FUCA1: variants seen among roughly 807,000 people sequenced by gnomAD.
The protein encoded by FUCA1 is tissue alpha-L-fucosidase.
FUCA1 carries 52 observed loss-of-function variants against 56.8 expected under a neutral mutation model. The observed-to-expected ratio is 0.92, with a 90% CI of 0.73 to 1.15. FUCA1 has a LOEUF of 1.15. FUCA1 is among the 50% of genes most tolerant of loss of function. The probability of loss-of-function intolerance (pLI) is 0.00; values close to 1 mark genes in which losing one functional copy is unlikely to be tolerated. For missense variants in FUCA1, 568 were observed against 592.6 expected (o/e 0.96, Z 0.43); for synonymous variants, 230 against 226.6 (o/e 1.02, Z -0.14).
At chr1:23,852,051 A>T (rs1639270392) in intron 5 of FUCA1, among the ~76,000 whole-genome samples, 1 of 142,958 alleles carries the variant, frequency 7.0e-6, no homozygotes, top group South Asian at 2.3e-4. Context: ...AAAAATAATT[A>T]AAATCAATCA....
chr1:23,858,277 C>T (rs1639435786), intron 4 of FUCA1, among the ~76,000 whole-genome samples: 1 of 151,960 alleles, frequency 6.6e-6, no homozygotes, highest in African/African-American at 2.4e-5. Flanking sequence ...CTGTGTTAGC[C>T]AGGATGGTCT....
At chr1:23,846,713 C>A (rs1639151417) in intron 6 of FUCA1, among the ~76,000 whole-genome samples, 1 of 152,056 alleles carries the variant, frequency 6.6e-6, no homozygotes, top group African/African-American at 2.4e-5. Context: ...TCCTGAGTAA[C>A]TGGGATTACA....
chr1:23,846,294 C>G, intron 6 of FUCA1, 121 bp from the exon 7 acceptor site: 1 of 698,676 alleles, frequency 1.4e-6, no homozygotes, highest in South Asian at 1.8e-5. Flanking sequence ...TTTTTTGAGA[C>G]AGAGTCTCCC....
chr1:23,865,293 C>CAGTT (rs1192389981), intron 2 of FUCA1, among the ~76,000 whole-genome samples, 198 bp downstream of exon 2: 1 of 152,198 alleles, frequency 6.6e-6, no homozygotes, highest in Non-Finnish European at 1.5e-5. Flanking sequence ...GCATCAAACA[C>CAGTT]TGCCAATTCA....
intron 3 of FUCA1, among the ~76,000 whole-genome samples, chr1:23,862,411 C>T (rs1375017534): frequency 6.6e-6 from 1 of 152,184 alleles, no homozygotes; most frequent in African/African-American, 2.4e-5. Context: ...AAGTGATCTG[C>T]CTGCCTCGGC....
At position 23,868,172 on chromosome 1, in the gene FUCA1, G is replaced by T. The variant is rs901607680; in HGVS notation, c.115C>A (p.Pro39Thr). ...CGAGAATCCAGGCTCGGCCAGTCTG[G>T]GGTGTAGCGGCGCGGAGGCTGGGCC... The part of the protein sequence containing the change: ...RRAQPPRRYT[P>T]DWPSLDSRPL... Residue 39 changes from proline (P) to threonine (T), a missense_variant, in exon 1 of 8, where the codon CCA (proline) becomes ACA (threonine). Physicochemically the swap from Pro to Thr is conservative, Grantham distance 38. Transcript: ENST00000374479. 1.9e-6 allele frequency: 3 copies of T among 1,607,236 alleles called. No individual in the cohort carries two copies. Among genetic ancestry groups the T allele is most frequent in the East Asian group, 2.2e-5 (1 of 44,670 alleles).
intron 4 of FUCA1, among the ~76,000 whole-genome samples, chr1:23,856,553 C>T (rs970732033): frequency 2.6e-5 from 4 of 152,162 alleles, no homozygotes; most frequent in African/African-American, 9.7e-5. Context: ...CAAGGCTTAG[C>T]ATGCGGCATG....
Position 23,868,117 on chromosome 1 carries a change from T to G in FUCA1, c.170A>C (p.Lys57Thr), listed in dbSNP as rs753706036. Residue 57 changes from lysine (K) to threonine (T), a missense_variant, in exon 1 of 8, where the codon AAG becomes ACG. By Grantham distance (78) the Lys-to-Thr change is moderately conservative. Transcript: ENST00000374479. ...GCCCCAGTGGATGAACACCCCGAAC[T>G]TGGCTTCGTCGAACCAGGCCGGCAG... Reference protein sequence around the residue: ...RPLPAWFDEAKFGVFIHWGVF... With the variant: ...RPLPAWFDEATFGVFIHWGVF... 4 of 1,611,584 alleles carry G rather than the reference T, an allele frequency of 2.5e-6. No homozygotes were observed. The highest frequency in any genetic ancestry group is 3.3e-4 in the Middle Eastern group (2 of 6,060).
chr1:23,868,238 G>GCAA lies in FUCA1; in HGVS notation c.46_48dup (p.Leu20dup), dbSNP rs750020102. 6.4e-6 allele frequency: 10 copies of GCAA among 1,568,572 alleles called. No individual in the cohort carries two copies. The Admixed American group carries it at 1.1e-4, about 18-fold the overall frequency. ...GCCGCTCCGAGGAAGAGCAGCAGCAGCAACAGCGCGGGACCCGCCGGCCGC... is the reference window on the plus strand; with the variant it reads ...GCCGCTCCGAGGAAGAGCAGCAGCAGCAACAACAGCGCGGGACCCGCCGGCCGC... On this transcript the variant is annotated inframe_insertion, in exon 1 of 8. Transcript: ENST00000374479.
chr1:23,864,728 G>A (rs998924682), intron 2 of FUCA1, among the ~76,000 whole-genome samples: 9 of 145,784 alleles, frequency 6.2e-5, no homozygotes, highest in Non-Finnish European at 1.2e-4. Flanking sequence ...TTTTTGAGAC[G>A]GAGTCTCGCT....
At position 23,868,006 on chromosome 1, in the gene FUCA1, C is replaced by T. The variant is rs1449963370; in HGVS notation, c.281G>A (p.Arg94His). Reference protein sequence around the residue: ...EGRPQYQRFMRDNYPPGFSYA... With the variant: ...EGRPQYQRFMHDNYPPGFSYA... Reference sequence around the variant, plus strand: ...GCTGAAGCCGGGCGGGTAGTTGTCGCGCATGAAGCGCTGGTACTGCGGCCG... The same window carrying T: ...GCTGAAGCCGGGCGGGTAGTTGTCGTGCATGAAGCGCTGGTACTGCGGCCG... Residue 94 changes from arginine to histidine, a missense_variant, in exon 1 of 8, where the codon CGC (arginine) becomes CAC (histidine). Physicochemically the swap from Arg to His is conservative, Grantham distance 29. Coordinates refer to ENST00000374479, the MANE Select transcript of FUCA1 (RefSeq NM_000147.5). The T allele has an allele frequency of 1.2e-6, 2 of 1,606,698 alleles. No homozygotes were observed. The highest frequency in any genetic ancestry group is 1.7e-5 in the Admixed American group (1 of 58,822).
At chr1:23,859,474 G>A (rs1639461782) in intron 4 of FUCA1, among the ~76,000 whole-genome samples, 1 of 151,470 alleles carries the variant, frequency 6.6e-6, no homozygotes, top group Non-Finnish European at 1.5e-5. Context: ...GCTGAGGCAG[G>A]AGAATCACTT....
intron 4 of FUCA1, among the ~76,000 whole-genome samples, chr1:23,856,978 C>G (rs1450090304): frequency 6.7e-6 from 1 of 149,726 alleles, no homozygotes; most frequent in Non-Finnish European, 1.5e-5. Context: ...GGCGACAGTG[C>G]GAGACTCCCT....
chr1:23,858,776 G>C (rs538363199), intron 4 of FUCA1, among the ~76,000 whole-genome samples: 1 of 152,172 alleles, frequency 6.6e-6, no homozygotes, highest in Non-Finnish European at 1.5e-5. Context: ...TGGAGACAGG[G>C]TTTCACTGTC....
At chr1:23,862,839 C>T (rs1022403144) in intron 3 of FUCA1, among the ~76,000 whole-genome samples, 1 of 152,202 alleles carries the variant, frequency 6.6e-6, no homozygotes, top group African/African-American at 2.4e-5. Flanking sequence ...ACCCCCTCTC[C>T]AGGGTCCTGA....
Position 23,859,618 on chromosome 1 carries a change from G to A in FUCA1, c.768+180C>T, listed in dbSNP as rs1034857059. 4.6e-5 allele frequency among the ~76,000 whole-genome samples: 7 copies of A among 151,302 alleles called. No individual in the cohort carries two copies. The East Asian group carries it at 1.4e-3, about 29-fold the overall frequency. ...AAGGAGAAGAAAACTTATACTCTAA[G>A]GGAGCCAGGGAAGATTAAAGGAGAA... On this transcript the variant is annotated intron_variant, in intron 4 of 7. Transcript: ENST00000374479.
At position 23,868,270 on chromosome 1, in the gene FUCA1, AT is replaced by A; in HGVS notation, c.16del (p.Met6Ter). The A allele has an allele frequency of 6.4e-7, 1 of 1,553,646 alleles. No homozygotes were observed. The highest frequency in any genetic ancestry group is 8.7e-7 in the Non-Finnish European group (1 of 1,151,440). MRAPG[M>X]RSRPAGPALL... ...CGCGGGACCCGCCGGCCGCGACCTC[AT>A]CCCCGGAGCCCGCATCGCTACCCCT... On this transcript the variant is annotated frameshift_variant, in exon 1 of 8. Transcript: ENST00000374479. LOFTEE classifies it high-confidence loss of function.
chr1:23,855,262 C>T (rs1200700218), intron 4 of FUCA1, among the ~76,000 whole-genome samples: 5 of 152,160 alleles, frequency 3.3e-5, no homozygotes, highest in African/African-American at 1.2e-4. Context: ...ATTTGGGAGG[C>T]CAAGGCAGGC....
chr1:23,852,808 C>T (rs1413631004), intron 5 of FUCA1, among the ~76,000 whole-genome samples: 4 of 152,070 alleles, frequency 2.6e-5, no homozygotes, highest in African/African-American at 4.8e-5. Flanking sequence ...AGTGCAGTGG[C>T]GTGATCTCCG....
Sources: gnomAD v4.1 joint callset for allele counts (sites outside exome capture counted in the v4.1 genomes callset) on GRCh38, gnomAD v4.1.1 for gene constraint, MANE v1.5 for transcripts, NCBI Gene and HGNC (gene_info 2026-07-23, HGNC 2026-07-21) for gene names.